The following TMEM108 variants were observed in gnomAD, a reference collection of about 807,000 sequenced individuals.
TMEM108 encodes the protein cancer/testis antigen 124.
A neutral mutation model predicts 35.1 loss-of-function variants in TMEM108; 12 were observed. The observed-to-expected ratio is 0.34, with a 90% confidence interval of 0.22 to 0.55. The LOEUF (loss-of-function observed/expected upper bound fraction) is 0.55, where lower values mean the gene tolerates loss of function less well. Ranked by LOEUF, TMEM108 falls within the 20% of genes least tolerant of loss-of-function variation. The pLI is 0.89. For missense variants in TMEM108, 680 were observed against 753.3 expected (o/e 0.90, Z 1.14); for synonymous variants, 287 against 308.6 (o/e 0.93, Z 0.73).
At chr3:133,207,542 CT>C (rs1252019141) in intron 2 of TMEM108, among the ~76,000 whole-genome samples, 1 of 151,876 alleles carries the variant, frequency 6.6e-6, no homozygotes, top group African/African-American at 2.4e-5. Context: ...TTTTTAGGTT[CT>C]GGATGAGAGG....
At chr3:133,244,034 G>T (rs1450772835) in intron 3 of TMEM108, among the ~76,000 whole-genome samples, 2 of 152,174 alleles carry the variant, frequency 1.3e-5, no homozygotes, top group African/African-American at 2.4e-5. Flanking sequence ...TGTCTTGAGA[G>T]TTCTGGTGAG....
At chr3:133,231,125 T>C (rs1946146960) in intron 3 of TMEM108, among the ~76,000 whole-genome samples, 1 of 151,954 alleles carries the variant, frequency 6.6e-6, no homozygotes, top group Admixed American at 6.5e-5. Flanking sequence ...ACAAACAGAA[T>C]GTTTTTAAGA....
At chr3:133,252,223 T>C (rs1243778147) in intron 3 of TMEM108, among the ~76,000 whole-genome samples, 1 of 152,144 alleles carries the variant, frequency 6.6e-6, no homozygotes, top group Non-Finnish European at 1.5e-5. Context: ...CAACTCTCTG[T>C]TATGGTGGTA....
At chr3:133,388,640 C>A in intron 4 of TMEM108, 3 of 985,402 alleles carry the variant, frequency 3.0e-6, no homozygotes, top group South Asian at 9.4e-5. Flanking sequence ...AATTAGAAGT[C>A]TTTTTGATCA....
chr3:133,302,323 G>A (rs558404628), intron 3 of TMEM108, among the ~76,000 whole-genome samples: 2 of 151,958 alleles, frequency 1.3e-5, no homozygotes, highest in East Asian at 3.9e-4. Flanking sequence ...TACCTAGGAG[G>A]GAATTTACAC....
intron 2 of TMEM108, among the ~76,000 whole-genome samples, chr3:133,113,828 G>T (rs998996277): frequency 2.0e-5 from 3 of 152,050 alleles, no homozygotes; most frequent in East Asian, 3.8e-4. Flanking sequence ...ATTGGTTCTG[G>T]GTCCCAAGGC....
At chr3:133,391,587 A>G (rs2107861715) in intron 5 of TMEM108, among the ~76,000 whole-genome samples, 1 of 151,862 alleles carries the variant, frequency 6.6e-6, no homozygotes, top group East Asian at 1.9e-4. Context: ...CCCTCTCCCC[A>G]TCTTTTGCTA....
chr3:133,159,457 C>T (rs895073523), intron 2 of TMEM108, among the ~76,000 whole-genome samples: 1 of 152,198 alleles, frequency 6.6e-6, no homozygotes, highest in Non-Finnish European at 1.5e-5. Flanking sequence ...GGATCCACCC[C>T]TTTGATGACC....
chr3:133,080,518 A>G (rs1008143328), intron 2 of TMEM108, among the ~76,000 whole-genome samples: 1 of 152,226 alleles, frequency 6.6e-6, no homozygotes, highest in African/African-American at 2.4e-5. Context: ...TCAAGGCCCA[A>G]CTCAAACACT....
At chr3:133,048,334 T>C (rs1943363773) in intron 2 of TMEM108, among the ~76,000 whole-genome samples, 1 of 152,238 alleles carries the variant, frequency 6.6e-6, no homozygotes, top group African/African-American at 2.4e-5. Flanking sequence ...GTGTTTATTC[T>C]AGAAACTTTT....
At chr3:133,337,723 A>G (rs1335947199) in intron 3 of TMEM108, among the ~76,000 whole-genome samples, 1 of 152,214 alleles carries the variant, frequency 6.6e-6, no homozygotes, top group African/African-American at 2.4e-5. Flanking sequence ...AGAAAGGACC[A>G]ATCCTGGAGA....
intron 2 of TMEM108, among the ~76,000 whole-genome samples, chr3:133,065,330 A>G (rs1247871118): frequency 6.6e-6 from 1 of 152,130 alleles, no homozygotes; most frequent in African/African-American, 2.4e-5. Context: ...ATGCACAGAG[A>G]TGTTCGCATA....
chr3:133,242,025 A>G (rs1350879677), intron 3 of TMEM108, among the ~76,000 whole-genome samples: 1 of 152,130 alleles, frequency 6.6e-6, no homozygotes. Context: ...AGGGGAGGCC[A>G]CACTCTCTCT....
chr3:133,199,888 G>C (rs1945635960), intron 2 of TMEM108, among the ~76,000 whole-genome samples: 1 of 152,198 alleles, frequency 6.6e-6, no homozygotes, highest in Non-Finnish European at 1.5e-5. Context: ...AAGCAGGCAG[G>C]CCTCCTTGAG....
In TMEM108 at chr3:133,373,836, A is replaced by ACAAT. The variant is rs200944225; in HGVS notation, c.41-5913_41-5910dup. Among the ~76,000 whole-genome samples, 1,015 of 152,344 alleles carry ACAAT rather than the reference A, an allele frequency of 6.7e-3. 8 individuals carry two copies. The highest frequency in any genetic ancestry group is 0.022 in the African/African-American group (917 of 41,564). On this transcript the variant is annotated intron_variant, in intron 3 of 5. Transcript: ENST00000321871. ...ACCAAAACAGTGGCTTAAAGCAGTA[A>ACAAT]CAATCATTTATTTTGTTCAAAAATC...
At chr3:133,305,686 T>C (rs933979267) in intron 3 of TMEM108, among the ~76,000 whole-genome samples, 6 of 152,144 alleles carry the variant, frequency 3.9e-5, no homozygotes, top group African/African-American at 1.4e-4. Context: ...AAAGTGGCTG[T>C]ACCATTTTAC....
chr3:133,395,837 C>T (rs775044226), intron 5 of TMEM108, 27 bp from the exon 6 acceptor site: 134 of 1,530,898 alleles, frequency 8.8e-5, no homozygotes, highest in Non-Finnish European at 1.1e-4. Flanking sequence ...CTCCAGCTCA[C>T]TCCATCTCCT....
At chr3:133,342,143 G>T (rs947216856) in intron 3 of TMEM108, among the ~76,000 whole-genome samples, 1 of 151,486 alleles carries the variant, frequency 6.6e-6, no homozygotes, top group African/African-American at 2.4e-5. Context: ...TCTGACAAGG[G>T]ATTAATAATC....
intron 3 of TMEM108, among the ~76,000 whole-genome samples, chr3:133,286,018 C>T (rs567957329): frequency 5.9e-5 from 9 of 152,314 alleles, no homozygotes; most frequent in Admixed American, 5.9e-4. Context: ...TTATAGCACA[C>T]ACATGAAGAC....
Sources: allele counts gnomAD v4.1 joint callset (sites outside exome capture counted in the v4.1 genomes callset), GRCh38; gene constraint gnomAD v4.1.1; transcripts MANE v1.5; gene names NCBI Gene and HGNC (gene_info 2026-07-23, HGNC 2026-07-21).